SYNDIG1: variants seen among roughly 807,000 people sequenced by gnomAD.
SYNDIG1 encodes the protein synapse differentiation-inducing gene protein 1.
SYNDIG1 carries 9 observed loss-of-function variants against 19.4 expected under a neutral mutation model. That is an observed-to-expected ratio of 0.46 (90% CI 0.28 to 0.81). SYNDIG1 has a LOEUF of 0.81. Ranked by LOEUF, SYNDIG1 falls within the 30% of genes least tolerant of loss-of-function variation. The pLI, the probability that SYNDIG1 is intolerant of heterozygous loss-of-function variation, is 0.12. For missense variants in SYNDIG1, 311 were observed against 343.3 expected, an observed-to-expected ratio of 0.91 and a Z score of 0.74; for synonymous variants, 141 against 145.9, an observed-to-expected ratio of 0.97 and a Z score of 0.24.
At chr20:24,635,853 C>T (rs2059309471) in intron 3 of SYNDIG1, among the ~76,000 whole-genome samples, 1 of 152,176 alleles carries the variant, frequency 6.6e-6, no homozygotes, top group Non-Finnish European at 1.5e-5. Context: ...ATCTAGCACC[C>T]GGTCACCATG....
chr20:24,481,728 A>C (rs867275370), intron 1 of SYNDIG1, among the ~76,000 whole-genome samples: 14 of 152,348 alleles, frequency 9.2e-5, no homozygotes, highest in Middle Eastern at 3.4e-3. Flanking sequence ...CAAGAGCCTA[A>C]TGAATGTGTG....
intron 3 of SYNDIG1, among the ~76,000 whole-genome samples, chr20:24,650,715 G>C (rs994879402): frequency 2.6e-5 from 4 of 152,226 alleles, no homozygotes; most frequent in African/African-American, 9.6e-5. Flanking sequence ...GAAATGGACT[G>C]TTTGATCGTG....
At chr20:24,620,352 G>A (rs2059019374) in intron 3 of SYNDIG1, among the ~76,000 whole-genome samples, 1 of 152,166 alleles carries the variant, frequency 6.6e-6, no homozygotes, top group Admixed American at 6.5e-5. Flanking sequence ...GCTGGGGGGT[G>A]ACCTGACAGC....
At chr20:24,486,903 T>C (rs1428897868) in intron 1 of SYNDIG1, among the ~76,000 whole-genome samples, 2 of 152,090 alleles carry the variant, frequency 1.3e-5, no homozygotes, top group Admixed American at 6.5e-5. Context: ...GTGATCCACC[T>C]GCCTCGGCCT....
At chr20:24,660,860 C>T (rs1173387920) in intron 3 of SYNDIG1, among the ~76,000 whole-genome samples, 1 of 152,220 alleles carries the variant, frequency 6.6e-6, no homozygotes, top group Non-Finnish European at 1.5e-5. Flanking sequence ...GGCTGGTCAT[C>T]TCCACAGAGC....
At chr20:24,639,705 G>T (rs1315600308) in intron 3 of SYNDIG1, among the ~76,000 whole-genome samples, 2 of 152,160 alleles carry the variant, frequency 1.3e-5, no homozygotes, top group African/African-American at 4.8e-5. Context: ...AAAAAACAGG[G>T]TGAAAACATC....
intron 3 of SYNDIG1, among the ~76,000 whole-genome samples, chr20:24,620,474 A>G (rs933538201): frequency 1.3e-5 from 2 of 152,196 alleles, no homozygotes; most frequent in African/African-American, 4.8e-5. Flanking sequence ...TTGCCTTTCC[A>G]TGTGGTTTCT....
intron 2 of SYNDIG1, among the ~76,000 whole-genome samples, chr20:24,567,785 C>G (rs2058075583): frequency 6.6e-6 from 1 of 152,202 alleles, no homozygotes; most frequent in African/African-American, 2.4e-5. Flanking sequence ...TCCCACTTGG[C>G]CCATGTGATG....
chr20:24,639,125 A>C (rs764435422), intron 3 of SYNDIG1, among the ~76,000 whole-genome samples: 2 of 152,226 alleles, frequency 1.3e-5, no homozygotes, highest in Non-Finnish European at 2.9e-5. Context: ...CACTGTGTGC[A>C]GCCTAAAATG....
intron 3 of SYNDIG1, among the ~76,000 whole-genome samples, chr20:24,660,997 C>A (rs892450735): frequency 1.3e-5 from 2 of 152,240 alleles, no homozygotes; most frequent in Admixed American, 6.5e-5. Context: ...GGTCCCATGG[C>A]AGCTGCACCC....
chr20:24,501,553 G>T (rs778036979), intron 1 of SYNDIG1, among the ~76,000 whole-genome samples: 2 of 152,170 alleles, frequency 1.3e-5, no homozygotes, highest in Non-Finnish European at 2.9e-5. Flanking sequence ...AGGTCCCAAG[G>T]CCACACCGGC....
intron 1 of SYNDIG1, among the ~76,000 whole-genome samples, chr20:24,523,736 T>G (rs1273031432): frequency 1.3e-5 from 2 of 152,192 alleles, no homozygotes; most frequent in African/African-American, 2.4e-5. Context: ...TTTCTGGAGT[T>G]TCTAAATGAC....
In SYNDIG1 at chr20:24,508,134, T is replaced by G. The variant is rs1393834384; in HGVS notation, c.-78-34886T>G. On this transcript the variant is annotated intron_variant, in intron 1 of 3. Transcript: ENST00000376862. ...CCTGAGGAAAAGAGAAGATAAAACA[T>G]AGATAAGAAAGGTGAGAAGGTTAAG... 2.1e-5 allele frequency among the ~76,000 whole-genome samples: 3 copies of G among 146,210 alleles called. No homozygotes were observed. In the East Asian group the frequency reaches 6.1e-4, roughly 30 times the overall value.
At chr20:24,568,162 GAAAA>G (rs2058085805) in intron 2 of SYNDIG1, among the ~76,000 whole-genome samples, 1 of 152,128 alleles carries the variant, frequency 6.6e-6, no homozygotes, top group South Asian at 2.1e-4. Flanking sequence ...AAAAAAGAAA[GAAAA>G]AGAAATGCAG....
intron 2 of SYNDIG1, among the ~76,000 whole-genome samples, chr20:24,549,974 G>A (rs1436902446): frequency 6.6e-5 from 10 of 152,162 alleles, no homozygotes; most frequent in Admixed American, 6.5e-4. Context: ...TCTGCCATCT[G>A]TCTATTTGCT....
intron 2 of SYNDIG1, among the ~76,000 whole-genome samples, chr20:24,548,455 C>A (rs1040364412): frequency 3.3e-5 from 5 of 152,104 alleles, no homozygotes; most frequent in Non-Finnish European, 7.4e-5. Context: ...TCTATAACTG[C>A]AATAGAGCAC....
intron 3 of SYNDIG1, among the ~76,000 whole-genome samples, chr20:24,638,650 C>A (rs1369465166): frequency 6.6e-6 from 1 of 152,188 alleles, no homozygotes; most frequent in Non-Finnish European, 1.5e-5. Flanking sequence ...TGAACCACCA[C>A]ACTCAGCCTG....
rs145797530 is a variant in SYNDIG1, at chr20:24,643,575, A to G, written c.619-21771A>G. 3.2e-3 allele frequency among the ~76,000 whole-genome samples: 490 copies of G among 152,352 alleles called. 1 individual carries two copies. The highest frequency in any genetic ancestry group is 0.011 in the African/African-American group (463 of 41,582). ...GCAGTCTCCACTCGTTTCCAGGGTT[A>G]CTTTGGTCAACACCCTCCTCACCCC... On this transcript the variant is annotated intron_variant, in intron 3 of 3. Transcript: ENST00000376862.
chr20:24,665,633 A>G lies in SYNDIG1; in HGVS notation c.*129A>G. On this transcript the variant is annotated 3_prime_UTR_variant, in exon 4 of 4. Transcript: ENST00000376862. ...ATGCCACGAAGCCCTGGGATTTCCT[A>G]CCCATGGATTTATTTTGTTTTTATC... The G allele has an allele frequency of 7.4e-7, 1 of 1,342,344 alleles. No individual in the cohort carries two copies. Among genetic ancestry groups the G allele is most frequent in the Non-Finnish European group, 1.0e-6 (1 of 981,736 alleles). The allele number at this position is 1,342,344 out of a possible 1,614,324, so 83.2% of individuals were successfully genotyped here.
Sources: gnomAD v4.1 joint callset for allele counts (sites outside exome capture counted in the v4.1 genomes callset) on GRCh38, gnomAD v4.1.1 for gene constraint, MANE v1.5 for transcripts, NCBI Gene and HGNC (gene_info 2026-07-23, HGNC 2026-07-21) for gene names.